MRPL42: variants seen among roughly 807,000 people sequenced by gnomAD.
MRPL42 encodes mitochondrial ribosomal protein L42.
Under a neutral mutation model 17.9 loss-of-function variants are expected in MRPL42, and 17 were observed. The observed-to-expected ratio is 0.95, with a 90% confidence interval of 0.65 to 1.42. MRPL42 has a LOEUF of 1.42. Among genes scored for constraint, MRPL42 ranks in the 40% most tolerant of loss-of-function variants. The pLI, the probability that MRPL42 is intolerant of heterozygous loss-of-function variation, is 0.00. For missense variants in MRPL42, 177 were observed against 175.2 expected (o/e 1.01, Z -0.06); for synonymous variants, 59 against 54.4 (o/e 1.08, Z -0.37).
intron 3 of MRPL42, among the ~76,000 whole-genome samples, chr12:93,478,414 A>G (rs1435502498): frequency 6.7e-6 from 1 of 149,956 alleles, no homozygotes; most frequent in Non-Finnish European, 1.5e-5. Context: ...ACACCTGGCT[A>G]ATTTTTTTTT....
In MRPL42 at chr12:93,510,598, G is replaced by A. The variant is rs1953717034; in HGVS notation, c.*9377G>A. On this transcript the variant is annotated 3_prime_UTR_variant, in exon 6 of 6. Coordinates refer to ENST00000549982, the MANE Select transcript of MRPL42 (RefSeq NM_014050.4). ...AGGGTTCCTATTGCTCAACATCCCT[G>A]TCAGCACTTGGTGTTAGTGTTCTGA... The A allele has an allele frequency of 6.6e-6, 1 of 152,210 alleles. No individual in the cohort carries two copies. Among genetic ancestry groups the A allele is most frequent in the African/African-American group, 2.4e-5 (1 of 41,448 alleles). 9.4% of individuals were successfully genotyped at this position (152,210 alleles called of 1,614,324 possible). A position where few individuals can be genotyped will look rare whatever the true frequency, so the allele number is the denominator to read the frequency against.
At chr12:93,486,578 T>A (rs933874077) in intron 4 of MRPL42, among the ~76,000 whole-genome samples, 1 of 152,194 alleles carries the variant, frequency 6.6e-6, no homozygotes, top group African/African-American at 2.4e-5. Context: ...CCTCAGGTGA[T>A]CCACCTGCCT....
At chr12:93,475,469 C>T (rs1880121263) in intron 2 of MRPL42, among the ~76,000 whole-genome samples, 1 of 151,930 alleles carries the variant, frequency 6.6e-6, no homozygotes, top group Non-Finnish European at 1.5e-5. Context: ...GCTGGAATTC[C>T]ATACTGAGGA....
intron 5 of MRPL42, chr12:93,487,907 G>A (rs191990626): frequency 2.1e-5 from 7 of 339,922 alleles, no homozygotes; most frequent in Admixed American, 1.9e-4. Context: ...AGTGATCTTC[G>A]CACTTTAGCC....
chr12:93,472,175 T>C (rs980462378), intron 2 of MRPL42, among the ~76,000 whole-genome samples: 1 of 152,196 alleles, frequency 6.6e-6, no homozygotes, highest in African/African-American at 2.4e-5. Flanking sequence ...AAATATCTAG[T>C]TAACTAAGAA....
intron 3 of MRPL42, among the ~76,000 whole-genome samples, chr12:93,477,546 T>G (rs1880237235): frequency 6.6e-6 from 1 of 152,214 alleles, no homozygotes; most frequent in Admixed American, 6.5e-5. Flanking sequence ...TATGTTGTTT[T>G]TATTACAAAT....
chr12:93,508,065 G>T lies in MRPL42; in HGVS notation c.*6844G>T, dbSNP rs1462949857. On this transcript the variant is annotated 3_prime_UTR_variant, in exon 6 of 6. Transcript: ENST00000549982. Reference sequence around the variant, plus strand: ...GGGTTCAAGCGATTCTCCTGCCTCAGTCTCCTGAGTAGCTGAGATTACAGG... The same window carrying T: ...GGGTTCAAGCGATTCTCCTGCCTCATTCTCCTGAGTAGCTGAGATTACAGG... The T allele has an allele frequency of 6.6e-6, 1 of 152,456 alleles. No individual in the cohort carries two copies. Among genetic ancestry groups the T allele is most frequent in the Non-Finnish European group, 1.5e-5 (1 of 68,226 alleles). 9.4% of individuals were successfully genotyped at this position (152,456 alleles called of 1,614,324 possible). A position where few individuals can be genotyped will look rare whatever the true frequency, so the allele number is the denominator to read the frequency against.
In MRPL42 at chr12:93,487,575, G is replaced by C; in HGVS notation, c.298G>C (p.Val100Leu). The C allele has an allele frequency of 6.2e-7, 1 of 1,613,352 alleles. No homozygotes were observed. The highest frequency in any genetic ancestry group is 8.5e-7 in the Non-Finnish European group (1 of 1,179,324). Reference sequence around the variant, plus strand: ...GCTGAAAACCAGATTGGAAGAAAAAGTTGAACACCTTGAGGAAGGACCTAT... The same window carrying C: ...GCTGAAAACCAGATTGGAAGAAAAACTTGAACACCTTGAGGAAGGACCTAT... ...QVLKTRLEEKVEHLEEGPMIE... is the reference protein window; with the variant it reads ...QVLKTRLEEKLEHLEEGPMIE... Residue 100 changes from valine (V) to leucine (L), a missense_variant, in exon 5 of 6, where the codon GTT becomes CTT. Val to Leu is a conservative substitution (Grantham distance 32, BLOSUM62 1). Coordinates refer to ENST00000549982, the MANE Select transcript of MRPL42 (RefSeq NM_014050.4).
rs535914993 is a variant in MRPL42, at chr12:93,494,719, T to C, written c.384-6457T>C. On this transcript the variant is annotated intron_variant, in intron 5 of 5. Transcript: ENST00000549982. ...CAGATGGTATTTAATGCCATGGGAC[T>C]GGACGAGATTCCTGTCCTAGAGAAT... 9.8e-5 allele frequency among the ~76,000 whole-genome samples: 15 copies of C among 152,332 alleles called. No homozygotes were observed. The East Asian group carries it at 2.9e-3, about 29-fold the overall frequency.
intron 2 of MRPL42, among the ~76,000 whole-genome samples, chr12:93,475,975 C>T (rs749582544): frequency 5.3e-5 from 8 of 151,798 alleles, no homozygotes; most frequent in African/African-American, 1.2e-4. Flanking sequence ...AGCAAGACTC[C>T]GTCTCAAAAA....
At chr12:93,495,356 T>C (rs1288369926) in intron 5 of MRPL42, among the ~76,000 whole-genome samples, 2 of 152,144 alleles carry the variant, frequency 1.3e-5, no homozygotes, top group African/African-American at 2.4e-5. Flanking sequence ...CCTAAGTAGC[T>C]GGGACTACAG....
rs555903192 is a variant in MRPL42 at position 93,511,861 on chromosome 12, A to G, written c.*10640A>G. ...ACATTCCGGAATAATTACCTAAATT[A>G]AGGAGCTTGCCCTAGAATGTAAATC... On this transcript the variant is annotated 3_prime_UTR_variant, in exon 6 of 6. Coordinates refer to ENST00000549982, the MANE Select transcript of MRPL42 (RefSeq NM_014050.4). 5 of 152,368 alleles carry G rather than the reference A, an allele frequency of 3.3e-5. No homozygotes were observed. The South Asian group carries it at 8.3e-4, about 25-fold the overall frequency. 9.4% of individuals were successfully genotyped at this position (152,368 alleles called of 1,614,324 possible). A position where few individuals can be genotyped will look rare whatever the true frequency, so the allele number is the denominator to read the frequency against.
At chr12:93,490,820 T>C (rs570330592) in intron 5 of MRPL42, among the ~76,000 whole-genome samples, 2 of 152,364 alleles carry the variant, frequency 1.3e-5, no homozygotes, top group African/African-American at 4.8e-5. Flanking sequence ...ATGAATTTAA[T>C]AACTGGGGGT....
At chr12:93,483,075 A>G (rs1223750896) in intron 4 of MRPL42, among the ~76,000 whole-genome samples, 1 of 151,938 alleles carries the variant, frequency 6.6e-6, no homozygotes, top group East Asian at 1.9e-4. Flanking sequence ...TTGTATTTTC[A>G]GTGGAGAGGG....
At chr12:93,495,818 T>G (rs1953489760) in intron 5 of MRPL42, among the ~76,000 whole-genome samples, 1 of 152,154 alleles carries the variant, frequency 6.6e-6, no homozygotes, top group African/African-American at 2.4e-5. Flanking sequence ...GATAAACCCA[T>G]GTAACCTGGT....
At chr12:93,477,115 CATT>C (rs1880220663) in intron 3 of MRPL42, 98 bp downstream of exon 3, 2 of 874,036 alleles carry the variant, frequency 2.3e-6, no homozygotes, top group East Asian at 2.8e-5. Context: ...TTTCTTTTCT[CATT>C]ATTCTTTCCT....
intron 5 of MRPL42, among the ~76,000 whole-genome samples, chr12:93,491,038 A>C (rs1032710513): frequency 6.6e-6 from 1 of 152,002 alleles, no homozygotes; most frequent in African/African-American, 2.4e-5. Context: ...CTACAGGTGC[A>C]CATCACCATG....
chr12:93,477,627 T>C (rs543691991), intron 3 of MRPL42, among the ~76,000 whole-genome samples: 33 of 152,244 alleles, frequency 2.2e-4, no homozygotes, highest in African/African-American at 6.5e-4. Flanking sequence ...GATGGGGTCT[T>C]GTTCTCTCGC....
intron 5 of MRPL42, among the ~76,000 whole-genome samples, chr12:93,490,147 A>G (rs765786099): frequency 2.3e-4 from 35 of 152,228 alleles, no homozygotes; most frequent in African/African-American, 8.2e-4. Context: ...TTAAGCATTC[A>G]TAACCAAATC....
Sources: gnomAD v4.1 joint callset for allele counts (sites outside exome capture counted in the v4.1 genomes callset) on GRCh38, gnomAD v4.1.1 for gene constraint, MANE v1.5 for transcripts, NCBI Gene and HGNC (gene_info 2026-07-23, HGNC 2026-07-21) for gene names.